ZNF665: variants seen among roughly 807,000 people sequenced by gnomAD.
ZNF665 encodes the protein zinc finger protein 665.
A neutral mutation model predicts 7.9 loss-of-function variants in ZNF665; 6 were observed. The ratio of observed to expected loss-of-function variants is 0.76; its 90% CI spans 0.42 to 1.50. ZNF665 has a LOEUF of 1.50. Among genes scored for constraint, ZNF665 ranks in the 40% most tolerant of loss-of-function variants. The probability of loss-of-function intolerance (pLI) is 0.01; values close to 1 mark genes in which losing one functional copy is unlikely to be tolerated. For synonymous variants in ZNF665, 242 were observed against 274.5 expected (o/e 0.88, Z 1.17); for missense variants, 819 against 806.7 (o/e 1.02, Z -0.18).
chr19:53,192,131 C>A lies in ZNF665; in HGVS notation c.-46+1181G>T, dbSNP rs117384612. On this transcript the variant is annotated intron_variant, in intron 1 of 3. Transcript: ENST00000396424. The stretch of plus-strand genomic sequence containing the variant: ...TTCCACTTGTTCTGTTCCATTCTTG[C>A]AACTTGTTTCACCTCTTATTCCTCT... Among the ~76,000 whole-genome samples the A allele has an allele frequency of 7.4e-4, 112 of 152,058 alleles. No individual in the cohort carries two copies. The East Asian group carries it at 0.019, about 26-fold the overall frequency.
chr19:53,166,376 C>A, intron 3 of ZNF665, 29 bp from the exon 4 acceptor site: 1 of 1,507,414 alleles, frequency 6.6e-7, no homozygotes, highest in South Asian at 1.4e-5. Flanking sequence ...CATAGATTTC[C>A]AGTTAACTAT....
Position 53,167,981 on chromosome 19 carries a change from A to G in ZNF665, c.143-1634T>C, listed in dbSNP as rs919434717. On this transcript the variant is annotated intron_variant, in intron 3 of 3. Transcript: ENST00000396424. ...TGAGGCAGGAGAATGGCGTGAATCC[A>G]GGAGGTGGAGCTTGCAGTGAGCCGA... Among the ~76,000 whole-genome samples the G allele has an allele frequency of 4.2e-5, 6 of 143,342 alleles. No individual in the cohort carries two copies. In the South Asian group the frequency reaches 6.9e-4, roughly 16 times the overall value. The allele number at this position is 143,342 out of a possible 152,430, so 94.0% of individuals were successfully genotyped here.
intron 3 of ZNF665, among the ~76,000 whole-genome samples, chr19:53,172,021 TG>T (rs1478454924): frequency 6.6e-6 from 1 of 152,206 alleles, no homozygotes; most frequent in African/African-American, 2.4e-5. Flanking sequence ...CCCAAAGTGC[TG>T]GGATTACAGG....
At chr19:53,173,603 G>A (rs2090675207) in intron 3 of ZNF665, among the ~76,000 whole-genome samples, 1 of 151,890 alleles carries the variant, frequency 6.6e-6, no homozygotes, top group African/African-American at 2.4e-5. Context: ...TCAAACTCCT[G>A]AGCTCGTGAT....
chr19:53,178,766 C>G (rs1240103493), intron 2 of ZNF665, among the ~76,000 whole-genome samples: 1 of 152,024 alleles, frequency 6.6e-6, no homozygotes, highest in Non-Finnish European at 1.5e-5. Context: ...AAACTGAAAA[C>G]AGAATAAAAA....
In ZNF665 at chr19:53,164,989, G is replaced by A. The variant is rs1371590895; in HGVS notation, c.1501C>T (p.Leu501Phe). 1.2e-6 allele frequency: 2 copies of A among 1,613,696 alleles called. No individual in the cohort carries two copies. Among genetic ancestry groups the A allele is most frequent in the East Asian group, 4.5e-5 (2 of 44,846 alleles). The change falls in exon 4 of 4, where the codon CTT becomes TTT. Residue 501 changes from leucine (L) to phenylalanine (F), a missense_variant. Coordinates refer to ENST00000396424, the MANE Select transcript of ZNF665 (RefSeq NM_024733.5). ...CGKAFSQTSQ[L>F]ARHWRVHTGE... is the part of the protein sequence containing the mutation. ...GTATGAACTCTCCAATGCCTTGCAAGTTGTGATGTTTGACTGAAGGCTTTA... is the reference window on the plus strand; with the variant it reads ...GTATGAACTCTCCAATGCCTTGCAAATTGTGATGTTTGACTGAAGGCTTTA...
At position 53,164,504 on chromosome 19, in the gene ZNF665, G is replaced by A. The variant is rs754623620; in HGVS notation, c.1986C>T (p.Val662=). 1 of 1,610,032 alleles carries A rather than the reference G, an allele frequency of 6.2e-7. No homozygotes were observed. Among genetic ancestry groups the A allele is most frequent in the African/African-American group, 1.3e-5 (1 of 74,926 alleles). The change falls in exon 4 of 4, where the codon GTC becomes GTT. Residue 662 remains valine (V), a synonymous_variant. Coordinates refer to ENST00000396424, the MANE Select transcript of ZNF665 (RefSeq NM_024733.5). ...TTGCAAGGTTTGAATTTTGAGTAAA[G>A]ACCTTGCCACATTGGTTACATTTGT... ...KPYKCNQCGK[V]FTQNSNLAKH...
intron 1 of ZNF665, among the ~76,000 whole-genome samples, chr19:53,192,004 C>A (rs2090820809): frequency 6.6e-6 from 1 of 151,760 alleles, no homozygotes. Flanking sequence ...TCATTCTCTT[C>A]TTCTCTCTCC....
intron 2 of ZNF665, chr19:53,181,986 C>T (rs1018064513): frequency 6.6e-6 from 1 of 152,262 alleles, no homozygotes; most frequent in Non-Finnish European, 1.5e-5. Flanking sequence ...CCCATTTCTC[C>T]TGGGAGAGGA....
intron 3 of ZNF665, among the ~76,000 whole-genome samples, chr19:53,174,998 A>G (rs1287478209): frequency 6.6e-6 from 1 of 151,624 alleles, no homozygotes; most frequent in Non-Finnish European, 1.5e-5. Context: ...AAAGAAATAT[A>G]ATGTGCTGTG....
At chr19:53,192,874 G>A (rs982983416) in intron 1 of ZNF665, among the ~76,000 whole-genome samples, 1 of 152,100 alleles carries the variant, frequency 6.6e-6, no homozygotes, top group Non-Finnish European at 1.5e-5. Flanking sequence ...GAGGTGGGGG[G>A]CGACGGCGCC....
chr19:53,192,554 T>A (rs2090825298), intron 1 of ZNF665, among the ~76,000 whole-genome samples: 1 of 152,198 alleles, frequency 6.6e-6, no homozygotes, highest in Non-Finnish European at 1.5e-5. Context: ...TCTTTGTAAA[T>A]CCTGACCCAT....
intron 2 of ZNF665, 155 bp downstream of exon 2, chr19:53,182,729 T>A: frequency 1.5e-6 from 2 of 1,333,302 alleles, no homozygotes; most frequent in Non-Finnish European, 2.1e-6. Flanking sequence ...AGAGATGGAA[T>A]CTAAGTGAGA....
intron 1 of ZNF665, chr19:53,191,923 A>G (rs1039332223): frequency 1.3e-5 from 2 of 152,156 alleles, no homozygotes; most frequent in African/African-American, 2.4e-5. Context: ...TGAAACCACC[A>G]TGCATCTGGG....
chr19:53,176,064 G>A (rs936873031), intron 2 of ZNF665, among the ~76,000 whole-genome samples: 1 of 152,142 alleles, frequency 6.6e-6, no homozygotes, highest in Non-Finnish European at 1.5e-5. Context: ...AGGAGGCTGA[G>A]GCAGCAGAAT....
Position 53,184,914 on chromosome 19 carries a change from C to T in ZNF665, c.-45-1971G>A, listed in dbSNP as rs563853245. ...CAGAGGGCCCTTCCCTGCCTGGCAG[C>T]CGAGGCAGAGAGAGAGAGGAGAAAG... is the stretch of plus-strand genomic sequence containing the variant. On this transcript the variant is annotated intron_variant, in intron 1 of 3. Transcript: ENST00000396424. 5.3e-5 allele frequency among the ~76,000 whole-genome samples: 8 copies of T among 152,012 alleles called. No homozygotes were observed. The South Asian group carries it at 8.4e-4, about 16-fold the overall frequency.
At chr19:53,177,118 CAAACAA>C (rs1180585030) in intron 2 of ZNF665, among the ~76,000 whole-genome samples, 1 of 150,150 alleles carries the variant, frequency 6.7e-6, no homozygotes, top group Admixed American at 6.6e-5. Context: ...GATTCTATCT[CAAACAA>C]AAACAAAAAC....
In ZNF665 at chr19:53,183,006, G is replaced by A. The variant is rs752728539; in HGVS notation, c.-45-63C>T. 1.7e-5 allele frequency: 26 copies of A among 1,526,916 alleles called. No individual in the cohort carries two copies. In the South Asian group the frequency reaches 1.8e-4, roughly 11 times the overall value. The allele number at this position is 1,526,916 out of a possible 1,614,324, so 94.6% of individuals were successfully genotyped here. A position where few individuals can be genotyped will look rare whatever the true frequency, so the allele number is the denominator to read the frequency against. On this transcript the variant is annotated intron_variant, in intron 1 of 3. Transcript: ENST00000396424. ...GAATGTCAAAAATACGCTGTTTGTTGGTTAGAATCAACACACCCCCTCCCT... is the reference window on the plus strand; with the variant it reads ...GAATGTCAAAAATACGCTGTTTGTTAGTTAGAATCAACACACCCCCTCCCT...
Position 53,168,712 on chromosome 19 carries a change from C to G in ZNF665, c.143-2365G>C, listed in dbSNP as rs143828001. Among the ~76,000 whole-genome samples, 476 of 152,168 alleles carry G rather than the reference C, an allele frequency of 3.1e-3. 1 individual carries two copies. The highest frequency in any genetic ancestry group is 0.011 in the African/African-American group (454 of 41,520). ...GCTTTCATTATAAAAGTGTAGTCAT[C>G]AAGACAGTGTGATTATTGTTGATTA... On this transcript the variant is annotated intron_variant, in intron 3 of 3. Coordinates refer to ENST00000396424, the MANE Select transcript of ZNF665 (RefSeq NM_024733.5).
Sources: gnomAD v4.1 joint callset for allele counts (sites outside exome capture counted in the v4.1 genomes callset) on GRCh38, gnomAD v4.1.1 for gene constraint, MANE v1.5 for transcripts, NCBI Gene and HGNC (gene_info 2026-07-23, HGNC 2026-07-21) for gene names.